TRPC3: variants seen among roughly 807,000 people sequenced by gnomAD.
TRPC3 encodes the protein transient receptor potential cation channel subfamily C member 3.
A neutral mutation model predicts 90.9 loss-of-function variants in TRPC3; 54 were observed. The observed-to-expected ratio is 0.59, with a 90% CI of 0.48 to 0.75. The LOEUF is 0.75. TRPC3 is among the 30% of genes least tolerant of loss of function. The probability of loss-of-function intolerance (pLI) is 0.00; values close to 1 mark genes in which losing one functional copy is unlikely to be tolerated. For synonymous variants in TRPC3, 424 were observed against 450.9 expected, an observed-to-expected ratio of 0.94 and a Z score of 0.75; for missense variants, 918 against 1,194.5, an observed-to-expected ratio of 0.77 and a Z score of 3.41.
intron 10 of TRPC3, among the ~76,000 whole-genome samples, chr4:121,897,110 TC>T (rs1290617545): frequency 2.6e-5 from 4 of 151,818 alleles, no homozygotes; most frequent in Admixed American, 6.6e-5. Context: ...AAGACTAGAC[TC>T]CCACTTCTCA....
intron 10 of TRPC3, among the ~76,000 whole-genome samples, chr4:121,887,892 C>G (rs550785323): frequency 2.9e-4 from 44 of 152,114 alleles, no homozygotes; most frequent in African/African-American, 1.1e-3. Flanking sequence ...AGAAAAAAAT[C>G]ACGCCCAGTT....
At chr4:121,891,930 T>G (rs1728342953) in intron 10 of TRPC3, among the ~76,000 whole-genome samples, 1 of 152,224 alleles carries the variant, frequency 6.6e-6, no homozygotes, top group South Asian at 2.1e-4. Flanking sequence ...TACAGGTATG[T>G]GCACTGCATG....
At chr4:121,903,436 C>T (rs17517624) in intron 8 of TRPC3, among the ~76,000 whole-genome samples, 33,139 of 152,094 alleles carry the variant, frequency 0.22, 3,872 homozygotes, top group Non-Finnish European at 0.27. Flanking sequence ...CATCCTCCTT[C>T]CTCACCTATA....
At chr4:121,916,619 G>A (rs925511136) in intron 3 of TRPC3, among the ~76,000 whole-genome samples, 1 of 152,118 alleles carries the variant, frequency 6.6e-6, no homozygotes, top group African/African-American at 2.4e-5. Context: ...GATACAATGA[G>A]AAGTCAGCAG....
chr4:121,918,639 T>G (rs776132695), intron 3 of TRPC3, among the ~76,000 whole-genome samples: 1 of 152,206 alleles, frequency 6.6e-6, no homozygotes, highest in African/African-American at 2.4e-5. Context: ...TGTTACACTT[T>G]AAAATTCAGC....
At chr4:121,926,399 T>C (rs995630717) in intron 2 of TRPC3, among the ~76,000 whole-genome samples, 3 of 128,436 alleles carry the variant, frequency 2.3e-5, no homozygotes, top group Non-Finnish European at 4.6e-5. Flanking sequence ...TGATTTTCTA[T>C]TTTTTTGTTT....
intron 10 of TRPC3, among the ~76,000 whole-genome samples, chr4:121,887,766 C>G (rs1212407924): frequency 2.0e-5 from 3 of 152,148 alleles, no homozygotes; most frequent in Non-Finnish European, 4.4e-5. Context: ...CATAGCATAT[C>G]TGCGTGCTTT....
intron 1 of TRPC3, chr4:121,950,582 C>T (rs1281199350): frequency 6.6e-6 from 1 of 152,300 alleles, no homozygotes; most frequent in Non-Finnish European, 1.5e-5. Context: ...CTGCGTCTCG[C>T]ACTGATTAAA....
At position 121,932,189 on chromosome 4, in the gene TRPC3, C is replaced by T; in HGVS notation, c.987+82G>A. 6.5e-7 allele frequency: 1 copy of T among 1,550,170 alleles called. No individual in the cohort carries two copies. The highest frequency in any genetic ancestry group is 2.3e-5 in the East Asian group (1 of 44,156). ...TCACTGGGCAAAACCGAATGTGGAGCGAACGGTGGCAGAGCAGGCCAGGCA... is the reference window on the plus strand; with the variant it reads ...TCACTGGGCAAAACCGAATGTGGAGTGAACGGTGGCAGAGCAGGCCAGGCA... On this transcript the variant is annotated intron_variant, in intron 2 of 11. Coordinates refer to ENST00000379645, the MANE Select transcript of TRPC3 (RefSeq NM_001130698.2). This position sits in a 1 kb window ranked among gnomAD's most constrained non-coding sequence, Gnocchi z 7.7.
At chr4:121,921,924 T>TG (rs70950862) in intron 3 of TRPC3, among the ~76,000 whole-genome samples, 43,706 of 145,768 alleles carry the variant, frequency 0.3, 6,875 homozygotes, top group East Asian at 0.4. Flanking sequence ...TTTTTGTTTT[T>TG]TTTTTTTTTT....
intron 1 of TRPC3, among the ~76,000 whole-genome samples, chr4:121,943,727 A>T (rs1730398477): frequency 1.3e-5 from 2 of 152,068 alleles, no homozygotes; most frequent in Admixed American, 1.3e-4. Context: ...TCAATTATAT[A>T]TATATAGTTA....
intron 10 of TRPC3, among the ~76,000 whole-genome samples, chr4:121,891,935 T>G (rs1728343268): frequency 6.6e-6 from 1 of 152,208 alleles, no homozygotes; most frequent in African/African-American, 2.4e-5. Context: ...GTATGTGCAC[T>G]GCATGCATAA....
chr4:121,888,791 C>G (rs768651454), intron 10 of TRPC3, among the ~76,000 whole-genome samples: 8 of 152,196 alleles, frequency 5.3e-5, no homozygotes, highest in African/African-American at 1.9e-4. Context: ...GTTATTATTA[C>G]TCATTGTTAT....
intron 2 of TRPC3, among the ~76,000 whole-genome samples, chr4:121,926,160 C>A (rs974270175): frequency 1.3e-5 from 2 of 152,184 alleles, no homozygotes; most frequent in African/African-American, 4.8e-5. Context: ...AAAACCATAA[C>A]CTTGCATAAA....
At chr4:121,928,753 T>C (rs1035337388) in intron 2 of TRPC3, among the ~76,000 whole-genome samples, 1 of 152,230 alleles carries the variant, frequency 6.6e-6, no homozygotes, top group African/African-American at 2.4e-5. Flanking sequence ...TGAAGTTCAG[T>C]CTTCATCACA....
At chr4:121,912,875 A>G (rs1729159833) in intron 4 of TRPC3, among the ~76,000 whole-genome samples, 1 of 152,232 alleles carries the variant, frequency 6.6e-6, no homozygotes, top group South Asian at 2.1e-4. Flanking sequence ...ATGAAAAACC[A>G]TTCCTCCTGT....
intron 7 of TRPC3, among the ~76,000 whole-genome samples, chr4:121,904,913 C>T (rs1194536375): frequency 1.3e-5 from 2 of 152,022 alleles, no homozygotes; most frequent in African/African-American, 4.8e-5. Flanking sequence ...AAATTATATA[C>T]CCAATTTTTA....
At chr4:121,936,225 T>G (rs1390631664) in intron 1 of TRPC3, among the ~76,000 whole-genome samples, 1 of 152,256 alleles carries the variant, frequency 6.6e-6, no homozygotes, top group African/African-American at 2.4e-5. Context: ...CGAGTCAATA[T>G]TCACATCATC....
Position 121,910,242 on chromosome 4 carries a change from C to T in TRPC3, c.1704G>A (p.Thr568=), listed in dbSNP as rs201887788. The change falls in exon 6 of 12, where the codon ACG becomes ACA. Residue 568 remains threonine, a synonymous_variant. Transcript: ENST00000379645. ...AACTGTCCACATACTGTTGTGCCTT[C>T]GTTGCCTGAAGGAAAGCTAGGAATC... ...TARFLAFLQA[T]KAQQYVDSYV... is the part of the protein sequence containing the mutation. 3.5e-4 allele frequency: 570 copies of T among 1,613,802 alleles called. 7 individuals are homozygous for T. The South Asian group carries it at 4.5e-3, about 13-fold the overall frequency.
Sources: allele counts gnomAD v4.1 joint callset (sites outside exome capture counted in the v4.1 genomes callset), GRCh38; gene constraint gnomAD v4.1.1; non-coding constraint Gnocchi (gnomAD v3.1); transcripts MANE v1.5; gene names NCBI Gene and HGNC (gene_info 2026-07-23, HGNC 2026-07-21).